Variants in ZNF385D observed in about 807,000 individuals in gnomAD.
The protein encoded by ZNF385D is zinc finger protein 385D.
In ZNF385D, 15 loss-of-function variants were observed where a neutral mutation model predicts 35.8. The observed-to-expected ratio is 0.42, with a 90% CI of 0.28 to 0.64. ZNF385D has a LOEUF of 0.64. ZNF385D is among the 30% of genes least tolerant of loss of function. The pLI is 0.23. For missense variants in ZNF385D, 474 were observed against 494.6 expected (o/e 0.96, Z 0.39); for synonymous variants, 212 against 186.8 (o/e 1.13, Z -1.10).
intron 2 of ZNF385D, among the ~76,000 whole-genome samples, chr3:22,252,828 T>C (rs1700129924): frequency 6.6e-6 from 1 of 152,092 alleles, no homozygotes; most frequent in Non-Finnish European, 1.5e-5. Flanking sequence ...CATAGGTATA[T>C]TGCTGAGTTG....
chr3:21,688,346 T>C (rs1181403589), intron 1 of ZNF385D, among the ~76,000 whole-genome samples: 2 of 152,140 alleles, frequency 1.3e-5, no homozygotes, highest in African/African-American at 4.8e-5. Flanking sequence ...TGGTCATTAT[T>C]GGTATGTCCA....
intron 4 of ZNF385D, among the ~76,000 whole-genome samples, chr3:21,487,522 C>G (rs543826335): frequency 3.8e-4 from 58 of 152,148 alleles, no homozygotes; most frequent in African/African-American, 1.4e-3. Context: ...TATGTATTTA[C>G]TGATGCTTCC....
At chr3:21,563,078 ACCC>A (rs10546720) in intron 3 of ZNF385D, among the ~76,000 whole-genome samples, 4,628 of 152,198 alleles carry the variant, frequency 0.03, 222 homozygotes, top group African/African-American at 0.11. Flanking sequence ...TGAGATTCTG[ACCC>A]CCAAGTTGAT....
intron 3 of ZNF385D, among the ~76,000 whole-genome samples, chr3:22,036,553 A>G (rs1288150519): frequency 6.6e-6 from 1 of 152,182 alleles, no homozygotes; most frequent in Non-Finnish European, 1.5e-5. Context: ...GTATATGGCA[A>G]ATGAATTTTT....
At chr3:22,292,231 TAGA>T (rs1216056661) in intron 2 of ZNF385D, among the ~76,000 whole-genome samples, 6 of 152,084 alleles carry the variant, frequency 3.9e-5, no homozygotes, top group African/African-American at 7.2e-5. Flanking sequence ...AAAAGAAATA[TAGA>T]AGGTCTATCT....
At chr3:21,643,167 A>G (rs2065655512) in intron 2 of ZNF385D, among the ~76,000 whole-genome samples, 1 of 152,186 alleles carries the variant, frequency 6.6e-6, no homozygotes. Flanking sequence ...GACCTGGGCA[A>G]TTGAGCCACA....
Position 21,821,229 on chromosome 3 carries a change from G to GA in ZNF385D, c.326-156202dup, listed in dbSNP as rs146881188. 1.2e-4 allele frequency among the ~76,000 whole-genome samples: 18 copies of GA among 149,552 alleles called. 1 individual carries two copies. The highest frequency in any genetic ancestry group is 4.2e-4 in the South Asian group (2 of 4,730). ...AAAAGTCTCACTCATAAATTTAGAT[G>GA]AAAAAAAAAATCTCCACCAAGCGTT... On this transcript the variant is annotated intron_variant, in intron 3 of 5. Transcript: ENST00000494108.
At chr3:21,831,896 G>A (rs993662433) in intron 3 of ZNF385D, among the ~76,000 whole-genome samples, 47 of 152,090 alleles carry the variant, frequency 3.1e-4, no homozygotes, top group Non-Finnish European at 4.4e-4. Flanking sequence ...AATATTAAAA[G>A]AAGCTTAGAG....
intron 3 of ZNF385D, among the ~76,000 whole-genome samples, chr3:22,077,006 G>A (rs1700496970): frequency 6.6e-6 from 1 of 151,760 alleles, no homozygotes; most frequent in African/African-American, 2.4e-5. Context: ...GGACTCTTTG[G>A]TTAGAGGCCA....
intron 3 of ZNF385D, among the ~76,000 whole-genome samples, chr3:21,548,706 G>A (rs921427419): frequency 2.0e-5 from 3 of 152,158 alleles, no homozygotes; most frequent in Admixed American, 6.5e-5. Flanking sequence ...ATTGTGTGCA[G>A]AACTTAAGTG....
chr3:21,954,453 A>T (rs1022016192), intron 3 of ZNF385D, among the ~76,000 whole-genome samples: 1 of 152,002 alleles, frequency 6.6e-6, no homozygotes, highest in Non-Finnish European at 1.5e-5. Context: ...AGCCTTAGTA[A>T]CACTTAGAAT....
At chr3:21,508,380 G>A (rs752749987) in intron 4 of ZNF385D, among the ~76,000 whole-genome samples, 13 of 152,094 alleles carry the variant, frequency 8.5e-5, no homozygotes, top group Non-Finnish European at 1.8e-4. Context: ...AAGGGGTGGG[G>A]TGGGGGTGTT....
At chr3:22,022,302 C>T (rs965011279) in intron 3 of ZNF385D, among the ~76,000 whole-genome samples, 11 of 152,012 alleles carry the variant, frequency 7.2e-5, no homozygotes, top group African/African-American at 2.4e-4. Context: ...ATAAGTTTAT[C>T]GTACATTAAT....
At chr3:22,091,771 T>C (rs1701343703) in intron 3 of ZNF385D, among the ~76,000 whole-genome samples, 1 of 152,234 alleles carries the variant, frequency 6.6e-6, no homozygotes, top group Non-Finnish European at 1.5e-5. Context: ...ATTTTCTCTT[T>C]GCCTGTTATA....
intron 3 of ZNF385D, among the ~76,000 whole-genome samples, chr3:22,137,318 T>A (rs1030190718): frequency 6.6e-6 from 1 of 152,170 alleles, no homozygotes; most frequent in Non-Finnish European, 1.5e-5. Flanking sequence ...CTAACTCATT[T>A]TACGAGGCCA....
chr3:22,227,876 C>T (rs1698654290), intron 2 of ZNF385D, among the ~76,000 whole-genome samples: 1 of 152,192 alleles, frequency 6.6e-6, no homozygotes, highest in South Asian at 2.1e-4. Context: ...TCTGGGCATA[C>T]TGCCTGTGAG....
chr3:22,357,782 T>G (rs1445149004), intron 2 of ZNF385D, among the ~76,000 whole-genome samples: 1 of 151,836 alleles, frequency 6.6e-6, no homozygotes, highest in Non-Finnish European at 1.5e-5. Context: ...TTTTAACATC[T>G]TCTGCCAAAA....
At chr3:21,769,212 T>C (rs1167232491) in intron 3 of ZNF385D, among the ~76,000 whole-genome samples, 1 of 151,894 alleles carries the variant, frequency 6.6e-6, no homozygotes, top group Non-Finnish European at 1.5e-5. Flanking sequence ...CTATTCAACA[T>C]GGTGTTGGAA....
chr3:21,838,597 G>A (rs867612044), intron 3 of ZNF385D, among the ~76,000 whole-genome samples: 6 of 152,040 alleles, frequency 3.9e-5, no homozygotes, highest in African/African-American at 1.4e-4. Flanking sequence ...TCAAAGTGAT[G>A]GAAAAGAGAA....
Sources: gnomAD v4.1 joint callset for allele counts (sites outside exome capture counted in the v4.1 genomes callset) on GRCh38, gnomAD v4.1.1 for gene constraint, MANE v1.5 for transcripts, NCBI Gene and HGNC (gene_info 2026-07-23, HGNC 2026-07-21) for gene names.